Variants in NHSL1 observed in about 807,000 individuals in gnomAD.
NHSL1 encodes the protein NHS like 1, also known as NHS-like protein 1.
A neutral mutation model predicts 95.0 loss-of-function variants in NHSL1; 48 were observed. The observed-to-expected ratio is 0.51, with a 90% confidence interval of 0.40 to 0.64. The LOEUF (loss-of-function observed/expected upper bound fraction) is 0.64. Ranked by LOEUF, NHSL1 falls within the 30% of genes least tolerant of loss-of-function variation. The pLI, the probability that NHSL1 is intolerant of heterozygous loss-of-function variation, is 0.00. For synonymous variants in NHSL1, 783 were observed against 833.9 expected (o/e 0.94, Z 1.05); for missense variants, 1,971 against 2,077.7 (o/e 0.95, Z 1.00).
At chr6:138,494,369 A>C (rs893181047) in intron 2 of NHSL1, among the ~76,000 whole-genome samples, 25 of 152,230 alleles carry the variant, frequency 1.6e-4, no homozygotes, top group African/African-American at 6.0e-4. Flanking sequence ...CAGACTGTCC[A>C]AGTTTAAATC....
At chr6:138,472,926 T>C (rs1259271457) in intron 3 of NHSL1, among the ~76,000 whole-genome samples, 1 of 152,222 alleles carries the variant, frequency 6.6e-6, no homozygotes, top group African/African-American at 2.4e-5. Flanking sequence ...TCCTTGGTCA[T>C]ATGAAAACTC....
At chr6:138,468,301 C>G (rs1778520626) in intron 3 of NHSL1, among the ~76,000 whole-genome samples, 1 of 152,190 alleles carries the variant, frequency 6.6e-6, no homozygotes, top group Non-Finnish European at 1.5e-5. Flanking sequence ...CATTATGTTA[C>G]AATTATCTAG....
At chr6:138,568,682 T>A (rs1460105904) in intron 1 of NHSL1, among the ~76,000 whole-genome samples, 2 of 152,226 alleles carry the variant, frequency 1.3e-5, no homozygotes. Context: ...TGCTTACTGG[T>A]GGCTGCTTTG....
intron 1 of NHSL1, among the ~76,000 whole-genome samples, chr6:138,608,298 G>A (rs914389946): frequency 2.0e-5 from 3 of 152,126 alleles, no homozygotes; most frequent in Non-Finnish European, 4.4e-5. Flanking sequence ...AGTTTCCAAC[G>A]AGATAGCCTC....
At chr6:138,502,366 G>A (rs1780730268), upstream of NHSL1, among the ~76,000 whole-genome samples, 1 of 152,086 alleles carries the variant, frequency 6.6e-6, no homozygotes, top group African/African-American at 2.4e-5. Flanking sequence ...TGATGGAAGA[G>A]CCGTATTCTT....
chr6:138,514,194 T>A (rs1781359244), intron 1 of NHSL1, among the ~76,000 whole-genome samples: 1 of 152,018 alleles, frequency 6.6e-6, no homozygotes, highest in African/African-American at 2.4e-5. Context: ...GGTGAGCACC[T>A]GTAGTGCCAG....
At chr6:138,686,124 A>C (rs1785581828) in intron 1 of NHSL1, among the ~76,000 whole-genome samples, 1 of 152,218 alleles carries the variant, frequency 6.6e-6, no homozygotes. Context: ...ACCATAGCTA[A>C]TAACATGTAT....
chr6:138,640,330 C>G (rs1317967232), intron 1 of NHSL1, among the ~76,000 whole-genome samples: 1 of 152,142 alleles, frequency 6.6e-6, no homozygotes, highest in African/African-American at 2.4e-5. Flanking sequence ...CTTAGTACTT[C>G]TCAGCATTTT....
chr6:138,486,072 C>T (rs181808380), intron 2 of NHSL1, among the ~76,000 whole-genome samples: 45 of 152,284 alleles, frequency 3.0e-4, no homozygotes, highest in African/African-American at 1.1e-3. Context: ...TCCGACCCTC[C>T]GCTTTGCCCT....
chr6:138,556,739 G>A (rs6901151), intron 1 of NHSL1, among the ~76,000 whole-genome samples: 1 of 151,866 alleles, frequency 6.6e-6, no homozygotes, highest in Non-Finnish European at 1.5e-5. Context: ...CATTAATGAG[G>A]CTCAAATATC....
chr6:138,640,933 G>A (rs535410423), intron 1 of NHSL1, among the ~76,000 whole-genome samples: 1 of 152,276 alleles, frequency 6.6e-6, no homozygotes, highest in East Asian at 1.9e-4. Flanking sequence ...TGACATCAGT[G>A]GGCAATGGTT....
At chr6:138,581,217 T>G (rs1194018050) in intron 1 of NHSL1, among the ~76,000 whole-genome samples, 1 of 152,216 alleles carries the variant, frequency 6.6e-6, no homozygotes, top group African/African-American at 2.4e-5. Flanking sequence ...TGCTCTATCT[T>G]TAAGCATTTC....
intron 3 of NHSL1, among the ~76,000 whole-genome samples, chr6:138,451,355 G>A (rs919217315): frequency 5.3e-5 from 8 of 152,054 alleles, no homozygotes; most frequent in African/African-American, 1.9e-4. Flanking sequence ...GTCCTCTTTT[G>A]TTGAGGTCTT....
At chr6:138,464,955 C>T (rs1778262855) in intron 3 of NHSL1, among the ~76,000 whole-genome samples, 1 of 151,338 alleles carries the variant, frequency 6.6e-6, no homozygotes, top group South Asian at 2.1e-4. Flanking sequence ...TCAGGTGATC[C>T]ACCCACCTCA....
chr6:138,645,598 C>T (rs1785009929), intron 1 of NHSL1, among the ~76,000 whole-genome samples: 1 of 151,464 alleles, frequency 6.6e-6, no homozygotes, highest in East Asian at 1.9e-4. Context: ...GCCCCCACCT[C>T]CTAGGTTCAA....
chr6:138,437,435 CACACACACACAAAAAAAAAAAAAA>C (rs1562270810), intron 5 of NHSL1, among the ~76,000 whole-genome samples: 4 of 39,442 alleles, frequency 1.0e-4, no homozygotes, highest in African/African-American at 4.0e-4. Context: ...CACACACACA[CACACACACACAAAAAAAAAAAAAA>C]AAAATACAAT....
intron 1 of NHSL1, among the ~76,000 whole-genome samples, chr6:138,525,136 C>T (rs1291659208): frequency 6.6e-6 from 1 of 152,066 alleles, no homozygotes; most frequent in Non-Finnish European, 1.5e-5. Context: ...TTTTTTACCT[C>T]TGTAATGATA....
chr6:138,610,571 T>C (rs915027039), intron 1 of NHSL1, among the ~76,000 whole-genome samples: 5 of 147,558 alleles, frequency 3.4e-5, no homozygotes, highest in African/African-American at 1.0e-4. Flanking sequence ...TATATATATA[T>C]ATAAAAAGAA....
Position 138,431,621 on chromosome 6 carries a change from A to C in NHSL1, c.2724T>G (p.Ser908Arg). 1 of 1,551,386 alleles carries C rather than the reference A, an allele frequency of 6.4e-7. No individual in the cohort carries two copies. Among genetic ancestry groups the C allele is most frequent in the Non-Finnish European group, 8.7e-7 (1 of 1,146,660 alleles). The change falls in exon 6 of 8, where the codon AGT becomes AGG. Residue 908 changes from serine to arginine, a missense_variant. Around this residue, in one of 3 missense-constraint regions of NHSL1, gnomAD observed 1,602 missense variants for 1,654.5 expected, o/e 0.97. Transcript: ENST00000343505. This position sits in a 1 kb window ranked among gnomAD's most constrained non-coding sequence, Gnocchi z 4.0. ...ISSSSTSLSS[S>R]TSTEGSGTMK... The stretch of plus-strand genomic sequence containing the variant: ...TAGTGCCACTTCCTTCAGTAGAAGT[A>C]CTAGAAGAAAGAGAAGTGGACGATG...
Sources: gnomAD v4.1 joint callset for allele counts (sites outside exome capture counted in the v4.1 genomes callset) on GRCh38, gnomAD v4.1.1 for gene constraint, gnomAD v4.1.1 regional missense constraint, Gnocchi (gnomAD v3.1) non-coding constraint, MANE v1.5 for transcripts, NCBI Gene and HGNC (gene_info 2026-07-23, HGNC 2026-07-21) for gene names.